Variants in LSAMP observed in about 807,000 individuals in gnomAD.
LSAMP encodes limbic system-associated membrane protein.
Under a neutral mutation model 38.6 loss-of-function variants are expected in LSAMP, and 7 were observed. The observed-to-expected ratio is 0.18, with a 90% CI of 0.10 to 0.34. The LOEUF is 0.34. LSAMP is among the 10% of genes least tolerant of loss of function. The probability of loss-of-function intolerance (pLI) is 1.00; values close to 1 mark genes in which losing one functional copy is unlikely to be tolerated. For synonymous variants in LSAMP, 154 were observed against 166.8 expected (o/e 0.92, Z 0.59); for missense variants, 313 against 420.0 (o/e 0.75, Z 2.23).
At chr3:116,406,497 T>A (rs577696383) in intron 1 of LSAMP, among the ~76,000 whole-genome samples, 4 of 152,102 alleles carry the variant, frequency 2.6e-5, no homozygotes, top group African/African-American at 7.2e-5. Flanking sequence ...CCTCTTTTTT[T>A]ACTCTGCTGT....
chr3:116,150,585 G>A (rs1050156851), intron 1 of LSAMP, among the ~76,000 whole-genome samples: 13 of 151,990 alleles, frequency 8.6e-5, no homozygotes, highest in African/African-American at 3.1e-4. Flanking sequence ...GAAAAAGCTA[G>A]AGTGGGGAAA....
chr3:116,015,873 T>C (rs1221971439), intron 3 of LSAMP, among the ~76,000 whole-genome samples: 1 of 152,148 alleles, frequency 6.6e-6, no homozygotes, highest in Non-Finnish European at 1.5e-5. Flanking sequence ...TAATCAGGTA[T>C]TGTGAACCCT....
intron 1 of LSAMP, among the ~76,000 whole-genome samples, chr3:116,260,042 G>C (rs1239971540): frequency 6.6e-6 from 1 of 151,858 alleles, no homozygotes; most frequent in Admixed American, 6.6e-5. Flanking sequence ...TATGTTCCTT[G>C]GAGAAGTTAC....
chr3:115,942,336 T>G (rs1185362710), intron 3 of LSAMP, among the ~76,000 whole-genome samples: 49 of 152,184 alleles, frequency 3.2e-4, no homozygotes, highest in Admixed American at 3.1e-3. Context: ...AGTGCAAGTA[T>G]TTCTCATCAC....
At position 115,906,019 on chromosome 3, in the gene LSAMP, G is replaced by C. The variant is rs139395923; in HGVS notation, c.515-53402C>G. ...AAACATGACTTTTGGGATTCAGTCT[G>C]TTCCTCTGACCACTGGACCTTGAAA... is the stretch of plus-strand genomic sequence containing the variant. On this transcript the variant is annotated intron_variant, in intron 3 of 6. Coordinates refer to ENST00000490035, the MANE Select transcript of LSAMP (RefSeq NM_002338.5). Among the ~76,000 whole-genome samples, 215 of 152,226 alleles carry C rather than the reference G, an allele frequency of 1.4e-3. 2 individuals carry two copies. Among genetic ancestry groups the C allele is most frequent in the Middle Eastern group, 0.014 (4 of 294 alleles).
At chr3:116,313,471 G>T (rs2047585188) in intron 1 of LSAMP, among the ~76,000 whole-genome samples, 1 of 152,114 alleles carries the variant, frequency 6.6e-6, no homozygotes, top group South Asian at 2.1e-4. Context: ...ATCCAGTTCT[G>T]CCCTCTCAAT....
intron 3 of LSAMP, among the ~76,000 whole-genome samples, chr3:115,964,976 A>G (rs370120724): frequency 1.9e-3 from 282 of 152,264 alleles, no homozygotes; most frequent in African/African-American, 6.5e-3. Context: ...ATTGACCAAC[A>G]GATTTAATGT....
At chr3:116,119,894 C>T (rs551960629) in intron 1 of LSAMP, among the ~76,000 whole-genome samples, 2 of 152,114 alleles carry the variant, frequency 1.3e-5, no homozygotes, top group African/African-American at 2.4e-5. Flanking sequence ...CTCTGGACCT[C>T]GTGATCCATT....
intron 2 of LSAMP, among the ~76,000 whole-genome samples, chr3:116,027,798 T>A (rs1486852494): frequency 6.6e-6 from 1 of 152,150 alleles, no homozygotes; most frequent in Non-Finnish European, 1.5e-5. Flanking sequence ...ACTAATCAGT[T>A]CCAGAGTAGG....
chr3:115,912,782 T>A (rs1326216872), intron 3 of LSAMP, among the ~76,000 whole-genome samples: 2 of 152,204 alleles, frequency 1.3e-5, no homozygotes, highest in Non-Finnish European at 2.9e-5. Context: ...AGGCAGGCTT[T>A]TGTTGAGGCT....
intron 1 of LSAMP, among the ~76,000 whole-genome samples, chr3:116,266,600 C>G (rs2046894937): frequency 6.6e-6 from 1 of 151,942 alleles, no homozygotes. Flanking sequence ...TGGAGGAGAA[C>G]TATTGATCAG....
chr3:116,445,281 G>C lies in LSAMP; in HGVS notation c.-250C>G, dbSNP rs2049496282. 3 of 588,860 alleles carry C rather than the reference G, an allele frequency of 5.1e-6. No homozygotes were observed. In the South Asian group the frequency reaches 6.3e-5, roughly 12 times the overall value. The allele number at this position is 588,860 out of a possible 1,614,324, so 36.5% of individuals were successfully genotyped here. On this transcript the variant is annotated 5_prime_UTR_variant, in exon 1 of 7. Transcript: ENST00000490035. ...AAAAGCAACACAATTTCAAAAGAGAGAGTGCAAATAGCAAGCCCTCTGGAA... is the reference window on the plus strand; with the variant it reads ...AAAAGCAACACAATTTCAAAAGAGACAGTGCAAATAGCAAGCCCTCTGGAA...
intron 1 of LSAMP, among the ~76,000 whole-genome samples, chr3:116,419,355 G>T (rs1338301941): frequency 1.3e-5 from 2 of 152,048 alleles, no homozygotes; most frequent in South Asian, 2.1e-4. Flanking sequence ...GTGTACTCAA[G>T]AAATCATTTA....
chr3:116,269,498 A>G (rs2046941537), intron 1 of LSAMP, among the ~76,000 whole-genome samples: 1 of 152,110 alleles, frequency 6.6e-6, no homozygotes, highest in African/African-American at 2.4e-5. Flanking sequence ...TGATCTGTTG[A>G]ATGAATGATG....
chr3:115,919,278 G>C (rs1937328646), intron 3 of LSAMP, among the ~76,000 whole-genome samples: 1 of 152,190 alleles, frequency 6.6e-6, no homozygotes, highest in African/African-American at 2.4e-5. Flanking sequence ...AAGGGCAAAA[G>C]AGTTGCAGGT....
At chr3:116,428,616 G>T (rs893303753) in intron 1 of LSAMP, among the ~76,000 whole-genome samples, 1 of 152,126 alleles carries the variant, frequency 6.6e-6, no homozygotes, top group East Asian at 1.9e-4. Flanking sequence ...ATAATGCTTA[G>T]TGTGTATATG....
At chr3:116,007,403 T>C (rs188696599) in intron 3 of LSAMP, among the ~76,000 whole-genome samples, 6 of 152,332 alleles carry the variant, frequency 3.9e-5, no homozygotes, top group Non-Finnish European at 7.4e-5. Flanking sequence ...CTATTGAGGT[T>C]CCTCTTTTTT....
intron 1 of LSAMP, among the ~76,000 whole-genome samples, chr3:116,355,383 A>G (rs2048208723): frequency 6.6e-6 from 1 of 152,234 alleles, no homozygotes; most frequent in African/African-American, 2.4e-5. Context: ...CTGGATATCC[A>G]TATATAGAAG....
intron 1 of LSAMP, among the ~76,000 whole-genome samples, chr3:116,192,240 G>A (rs1710770468): frequency 6.6e-6 from 1 of 152,184 alleles, no homozygotes; most frequent in Admixed American, 6.5e-5. Context: ...TCCGATCAGT[G>A]AGAGGTAGCT....
Sources: gnomAD v4.1 joint callset for allele counts (sites outside exome capture counted in the v4.1 genomes callset) on GRCh38, gnomAD v4.1.1 for gene constraint, MANE v1.5 for transcripts, NCBI Gene and HGNC (gene_info 2026-07-23, HGNC 2026-07-21) for gene names.